USH2A: variants seen among roughly 807,000 people sequenced by gnomAD.
USH2A encodes the protein Usher syndrome 2A (autosomal recessive, mild).
In USH2A, 443 loss-of-function variants were observed where a neutral mutation model predicts 538.9. The observed-to-expected ratio is 0.82, with a 90% CI of 0.76 to 0.89. The LOEUF is 0.89. Among genes scored for constraint, USH2A ranks in the 40% least tolerant of loss-of-function variants. USH2A has a pLI of 0.00. For missense variants in USH2A, 6,633 were observed against 6,324.8 expected (o/e 1.05, Z -1.65); for synonymous variants, 2,413 against 2,273.5 (o/e 1.06, Z -1.75).
intron 60 of USH2A, among the ~76,000 whole-genome samples, chr1:215,728,898 G>A (rs142596530): frequency 6.6e-6 from 1 of 152,154 alleles, no homozygotes; most frequent in Non-Finnish European, 1.5e-5. Flanking sequence ...GTTATATCGG[G>A]GTTTTATTTT....
Position 216,364,978 on chromosome 1 carries a change from A to C in USH2A, c.759T>G (p.Thr253=). The change falls in exon 4 of 72, where the codon ACT becomes ACG. Residue 253 remains threonine (T), a synonymous_variant. Coordinates refer to ENST00000307340, the MANE Select transcript of USH2A (RefSeq NM_206933.4). ...SGSITDFASG[T]VQIGQSLNGL... ...CATTTAAACTCTGTCCTATTTGCAC[A>C]GTACCAGATGCAAAATCTGTAATTG... 6.2e-7 allele frequency: 1 copy of C among 1,613,702 alleles called. No homozygotes were observed. The highest frequency in any genetic ancestry group is 8.5e-7 in the Non-Finnish European group (1 of 1,179,722).
Position 215,675,141 on chromosome 1 carries a change from C to T in USH2A, c.12770G>A (p.Arg4257Lys). Reference sequence around the variant, plus strand: ...ACCTTCTGGAGGTGCTTGCAATGTCCTCACCACATTCCAAGAGCTACAGGT... The same window carrying T: ...ACCTTCTGGAGGTGCTTGCAATGTCTTCACCACATTCCAAGAGCTACAGGT... ...GHTCSSWNVV[R>K]TLQAPPEGLS... Residue 4257 changes from arginine to lysine, a missense_variant, in exon 63 of 72, where the codon AGG (arginine) becomes AAG (lysine). By Grantham distance (26) the Arg-to-Lys change is conservative. Transcript: ENST00000307340. 2.5e-6 allele frequency: 4 copies of T among 1,614,058 alleles called. No homozygotes were observed. Among genetic ancestry groups the T allele is most frequent in the Non-Finnish European group, 3.4e-6 (4 of 1,179,986 alleles).
intron 61 of USH2A, among the ~76,000 whole-genome samples, chr1:215,701,895 C>A (rs1659029855): frequency 6.6e-6 from 1 of 152,152 alleles, no homozygotes; most frequent in Non-Finnish European, 1.5e-5. Flanking sequence ...CTAGTTGATA[C>A]AGTTTCTTGA....
intron 21 of USH2A, among the ~76,000 whole-genome samples, chr1:216,132,116 A>T (rs1455858387): frequency 3.3e-5 from 5 of 152,088 alleles, no homozygotes; most frequent in Admixed American, 3.3e-4. Flanking sequence ...TATAATATTT[A>T]TCTTATTCTG....
At chr1:215,634,749 A>AT (rs1488968827) in intron 69 of USH2A, 46 bp from the exon 70 acceptor site, 2 of 1,614,056 alleles carry the variant, frequency 1.2e-6, no homozygotes, top group African/African-American at 2.7e-5. Flanking sequence ...TTCAGAAAGC[A>AT]TTTTTGTCAT....
chr1:216,273,575 G>A (rs2102584382), intron 11 of USH2A, among the ~76,000 whole-genome samples: 1 of 152,156 alleles, frequency 6.6e-6, no homozygotes, highest in Admixed American at 6.6e-5. Flanking sequence ...GAGTGTTTCT[G>A]TTATTCACTG....
chr1:215,799,812 C>CA (rs1662268076), intron 49 of USH2A, among the ~76,000 whole-genome samples: 1 of 151,852 alleles, frequency 6.6e-6, no homozygotes, highest in African/African-American at 2.4e-5. Flanking sequence ...ATGGTGAAAC[C>CA]CCATCTCTAC....
At chr1:216,228,610 C>T (rs753670032) in intron 14 of USH2A, among the ~76,000 whole-genome samples, 4 of 152,130 alleles carry the variant, frequency 2.6e-5, no homozygotes, top group Non-Finnish European at 4.4e-5. Context: ...CCATGTGAGA[C>T]GTGTCTTTCA....
rs533608922 is a variant in USH2A, at chr1:216,148,147, C to T, written c.4627+27105G>A. 5.3e-5 allele frequency among the ~76,000 whole-genome samples: 8 copies of T among 151,034 alleles called. No homozygotes were observed. In the East Asian group the frequency reaches 5.8e-4, roughly 11 times the overall value. On this transcript the variant is annotated intron_variant, in intron 21 of 71. Coordinates refer to ENST00000307340, the MANE Select transcript of USH2A (RefSeq NM_206933.4). Reference sequence around the variant, plus strand: ...CGGAGGCTACCCACTCCACATTACCCTCTTTTCAAGGGCCTGTTTCCCTTG... The same window carrying T: ...CGGAGGCTACCCACTCCACATTACCTTCTTTTCAAGGGCCTGTTTCCCTTG...
At chr1:216,180,430 T>C (rs1266909582) in intron 20 of USH2A, among the ~76,000 whole-genome samples, 1 of 152,154 alleles carries the variant, frequency 6.6e-6, no homozygotes, top group Non-Finnish European at 1.5e-5. Flanking sequence ...TATAAAATGT[T>C]ATAATATGCA....
intron 50 of USH2A, among the ~76,000 whole-genome samples, chr1:215,790,714 T>A (rs1661957975): frequency 6.6e-6 from 1 of 152,022 alleles, no homozygotes; most frequent in East Asian, 1.9e-4. Flanking sequence ...CCAGGCAGAG[T>A]GGAAAGGTAG....
intron 58 of USH2A, among the ~76,000 whole-genome samples, chr1:215,751,779 A>G (rs1327204513): frequency 6.6e-6 from 1 of 152,168 alleles, no homozygotes; most frequent in Middle Eastern, 3.2e-3. Flanking sequence ...GGTTGTTTAC[A>G]TTACCTAAAG....
At chr1:216,258,475 G>C (rs562890852) in intron 11 of USH2A, among the ~76,000 whole-genome samples, 7 of 152,184 alleles carry the variant, frequency 4.6e-5, no homozygotes, top group African/African-American at 1.7e-4. Flanking sequence ...TCTTAAGGAA[G>C]ATGCTCTGTA....
chr1:216,365,048 A>G lies in USH2A; in HGVS notation c.689T>C (p.Val230Ala), dbSNP rs1373126699. The G allele has an allele frequency of 6.2e-7, 1 of 1,613,498 alleles. No homozygotes were observed. The highest frequency in any genetic ancestry group is 8.5e-7 in the Non-Finnish European group (1 of 1,179,628). The change falls in exon 4 of 72, where the codon GTG becomes GCG. Residue 230 changes from valine to alanine, a missense_variant. Val to Ala is a moderately conservative substitution (Grantham distance 64). Transcript: ENST00000307340. Reference sequence around the variant, plus strand: ...ATTGAAAGGTGTATGATCCTTCTCCACGCCATTGATAAAGAAGCTGATTTT... The same window carrying G: ...ATTGAAAGGTGTATGATCCTTCTCCGCGCCATTGATAAAGAAGCTGATTTT... ...QTKISFFING[V>A]EKDHTPFNAR...
chr1:215,705,642 T>C (rs1659162094), intron 61 of USH2A, among the ~76,000 whole-genome samples: 1 of 152,218 alleles, frequency 6.6e-6, no homozygotes, highest in African/African-American at 2.4e-5. Context: ...GCTTAACTTC[T>C]AGCCCATTTA....
rs570408152 is a variant in USH2A, at chr1:215,702,291, C to T, written c.12067-21915G>A. Among the ~76,000 whole-genome samples the T allele has an allele frequency of 1.1e-4, 17 of 152,094 alleles. No individual in the cohort carries two copies. In the South Asian group the frequency reaches 1.5e-3, roughly 13 times the overall value. Reference sequence around the variant, plus strand: ...TCAACTTTGGTGAATCTGATGATTACGTGTCTTGGGGTTGCTCTTCTTGAG... The same window carrying T: ...TCAACTTTGGTGAATCTGATGATTATGTGTCTTGGGGTTGCTCTTCTTGAG... On this transcript the variant is annotated intron_variant, in intron 61 of 71. Transcript: ENST00000307340.
chr1:216,256,915 C>G (rs1362206070), intron 11 of USH2A, among the ~76,000 whole-genome samples: 1 of 151,944 alleles, frequency 6.6e-6, no homozygotes, highest in African/African-American at 2.4e-5. Context: ...GAATCAGTGC[C>G]CCTAACTCCC....
intron 3 of USH2A, among the ~76,000 whole-genome samples, chr1:216,417,369 A>T (rs1171059495): frequency 6.6e-6 from 1 of 152,086 alleles, no homozygotes; most frequent in Non-Finnish European, 1.5e-5. Flanking sequence ...CACTGGATGG[A>T]TGCTCATATG....
At chr1:216,069,952 C>T (rs1181946440) in intron 30 of USH2A, 149 bp downstream of exon 30, 18 of 905,210 alleles carry the variant, frequency 2.0e-5, no homozygotes, top group Non-Finnish European at 3.1e-5. Flanking sequence ...TGCAGGCTTC[C>T]ACTACTTTAG....
Sources: allele counts gnomAD v4.1 joint callset (sites outside exome capture counted in the v4.1 genomes callset), GRCh38; gene constraint gnomAD v4.1.1; transcripts MANE v1.5; gene names NCBI Gene and HGNC (gene_info 2026-07-23, HGNC 2026-07-21).